Variants in ATG4D observed in about 807,000 individuals in gnomAD.
ATG4D encodes autophagy related 4D cysteine peptidase.
ATG4D carries 51 observed loss-of-function variants against 55.2 expected under a neutral mutation model. The observed-to-expected ratio is 0.92, with a 90% CI of 0.74 to 1.17. ATG4D has a LOEUF of 1.17. ATG4D is among the 50% of genes most tolerant of loss of function. The probability of loss-of-function intolerance (pLI) is 0.00; values close to 1 mark genes in which losing one functional copy is unlikely to be tolerated. For missense variants in ATG4D, 635 were observed against 649.6 expected, an observed-to-expected ratio of 0.98 and a Z score of 0.25; for synonymous variants, 268 against 266.2, an observed-to-expected ratio of 1.01 and a Z score of -0.07.
chr19:10,545,266 GTTGT>G, intron 3 of ATG4D, 136 bp downstream of exon 3: 1 of 1,221,914 alleles, frequency 8.2e-7, no homozygotes, highest in Middle Eastern at 2.6e-4. Context: ...AGAGATGAGA[GTTGT>G]TTATAAGAGT....
Position 10,544,778 on chromosome 19 carries a change from C to T in ATG4D, c.236-5C>T. 6.2e-7 allele frequency: 1 copy of T among 1,613,942 alleles called. No homozygotes were observed. Among genetic ancestry groups the T allele is most frequent in the Non-Finnish European group, 8.5e-7 (1 of 1,179,972 alleles). ...TCGCTGGGCGCTGCCCCTACGTCTCCCCAGGTTGGGTGGTTAAAAGCCGGA... is the reference window on the plus strand; with the variant it reads ...TCGCTGGGCGCTGCCCCTACGTCTCTCCAGGTTGGGTGGTTAAAAGCCGGA... On this transcript the variant is annotated splice_region_variant and splice_polypyrimidine_tract_variant and intron_variant, in intron 1 of 9. Transcript: ENST00000309469.
Position 10,547,105 on chromosome 19 carries a change from C to G in ATG4D, c.760C>G (p.His254Asp), listed in dbSNP as rs1465601817. 1.9e-6 allele frequency: 3 copies of G among 1,604,630 alleles called. No homozygotes were observed. The South Asian group carries it at 3.3e-5, about 18-fold the overall frequency. The part of the protein sequence containing the change: ...GDWYGPSLVA[H>D]ILRKAVESCS... ...CTGGTATGGGCCATCGCTAGTGGCA[C>G]ACATCCTCAGGTGAGGGCTGCTGCA... Residue 254 changes from histidine (H) to aspartate (D), a missense_variant, in exon 4 of 10, where the codon CAC becomes GAC. Transcript: ENST00000309469.
At chr19:10,550,944 T>A (rs12973308) in intron 6 of ATG4D, 2 of 151,966 alleles carry the variant, frequency 1.3e-5, no homozygotes, top group East Asian at 1.9e-4. Flanking sequence ...TCTCCTGACC[T>A]CGTGATCCTC....
rs140564199 is a variant in ATG4D at position 10,546,524 on chromosome 19, T to A, written c.494-315T>A. On this transcript the variant is annotated intron_variant, in intron 3 of 9. Coordinates refer to ENST00000309469, the MANE Select transcript of ATG4D (RefSeq NM_032885.6). ...CCACGCTTGTCTACTTTTTGTATAT[T>A]TTTTTTTTTATCAGAGAAGGGGTTT... is the stretch of plus-strand genomic sequence containing the variant. Among the ~76,000 whole-genome samples, 690 of 147,736 alleles carry A rather than the reference T, an allele frequency of 4.7e-3. 9 individuals carry two copies. The East Asian group carries it at 0.064, about 14-fold the overall frequency.
intron 5 of ATG4D, among the ~76,000 whole-genome samples, chr19:10,548,030 TTTTTTTTTTTTTTTTTTTG>T (rs1304633451): frequency 2.2e-4 from 11 of 50,914 alleles, no homozygotes; most frequent in Non-Finnish European, 2.7e-4. Context: ...TTTTTTTTTT[TTTTTTTTTTTTTTTTTTTG>T]AGACAGAGTC....
intron 9 of ATG4D, 118 bp downstream of exon 9, chr19:10,552,442 C>T (rs1916299775): frequency 1.5e-6 from 2 of 1,338,274 alleles, no homozygotes; most frequent in African/African-American, 2.9e-5. Flanking sequence ...GGCTAGGGGT[C>T]CTAACCTGGG....
In ATG4D at chr19:10,552,093, A is replaced by G; in HGVS notation, c.1094A>G (p.Asp365Gly). 2 of 1,610,288 alleles carry G rather than the reference A, an allele frequency of 1.2e-6. No homozygotes were observed. Among genetic ancestry groups the G allele is most frequent in the Non-Finnish European group, 1.7e-6 (2 of 1,179,580 alleles). ...CCTCACTACTGCCAGCCCACTGTGG[A>G]TGTCAGCCAGGCCGACTTCCCCCTG... ...LDPHYCQPTV[D>G]VSQADFPLES... The change falls in exon 8 of 10, where the codon GAT (aspartate) becomes GGT (glycine). Residue 365 changes from aspartate (D) to glycine (G), a missense_variant. Physicochemically the swap from Asp to Gly is moderately conservative, Grantham distance 94 (BLOSUM62 -1). Coordinates refer to ENST00000309469, the MANE Select transcript of ATG4D (RefSeq NM_032885.6).
At position 10,544,801 on chromosome 19, in the gene ATG4D, G is replaced by C; in HGVS notation, c.254G>C (p.Arg85Pro). 6.2e-7 allele frequency: 1 copy of C among 1,614,098 alleles called. No individual in the cohort carries two copies. Among genetic ancestry groups the C allele is most frequent in the Non-Finnish European group, 8.5e-7 (1 of 1,179,992 alleles). The change falls in exon 2 of 10, where the codon CGG (arginine) becomes CCG (proline). Residue 85 changes from arginine to proline, a missense_variant. Arg to Pro is a moderately radical substitution (Grantham distance 103). Transcript: ENST00000309469. ...NVKYGWVVKS[R>P]TSFSKISSIH... ...TCCCCAGGTTGGGTGGTTAAAAGCC[G>C]GACCAGCTTTAGCAAGATCTCCAGC... is the stretch of plus-strand genomic sequence containing the variant.
At position 10,549,030 on chromosome 19, in the gene ATG4D, T is replaced by C. The variant is rs1203032329; in HGVS notation, c.962T>C (p.Val321Ala). 3 of 1,614,070 alleles carry C rather than the reference T, an allele frequency of 1.9e-6. No individual in the cohort carries two copies. Residue 321 changes from valine to alanine, a missense_variant, in exon 6 of 10, where the codon GTG becomes GCG. Transcript: ENST00000309469. Reference protein sequence around the residue: ...ETLNPVYVPCVKELLRCELCL... With the variant: ...ETLNPVYVPCAKELLRCELCL... ...CTCAACCCCGTGTATGTGCCCTGCGTGAAGGTAGGTTCAGCTGAATTCTAG... is the reference window on the plus strand; with the variant it reads ...CTCAACCCCGTGTATGTGCCCTGCGCGAAGGTAGGTTCAGCTGAATTCTAG...
Position 10,543,905 on chromosome 19 carries a change from T to G in ATG4D, c.-186T>G, listed in dbSNP as rs1331639909. 1.3e-5 allele frequency: 5 copies of G among 389,098 alleles called. No homozygotes were observed. Among genetic ancestry groups the G allele is most frequent in the Non-Finnish European group, 1.3e-5 (3 of 224,478 alleles). The allele number at this position is 389,098 out of a possible 1,614,324, so 24.1% of individuals were successfully genotyped here. ...TGGCCACGCCCACCGTCATCCGGGG[T>G]CCTGGCCCGCTAAGATGGCGATGGC... On this transcript the variant is annotated 5_prime_UTR_variant, in exon 1 of 10. Coordinates refer to ENST00000309469, the MANE Select transcript of ATG4D (RefSeq NM_032885.6).
chr19:10,548,752 T>G, intron 5 of ATG4D, 152 bp from the exon 6 acceptor site: 3 of 1,172,508 alleles, frequency 2.6e-6, no homozygotes, highest in Non-Finnish European at 3.6e-6. Context: ...CTGGGGGTGT[T>G]TGGGGGGCAC....
chr19:10,547,140 G>GGA, intron 4 of ATG4D, 25 bp downstream of exon 4: 1 of 1,610,328 alleles, frequency 6.2e-7, no homozygotes, highest in Non-Finnish European at 8.5e-7. Flanking sequence ...AGGGATCACG[G>GGA]GAGTTGCTGG....
Position 10,553,103 on chromosome 19 carries a change from A to T in ATG4D, c.*36A>T. 1.3e-6 allele frequency: 2 copies of T among 1,548,378 alleles called. No homozygotes were observed. Among genetic ancestry groups the T allele is most frequent in the South Asian group, 2.3e-5 (2 of 87,164 alleles). On this transcript the variant is annotated 3_prime_UTR_variant, in exon 10 of 10. Transcript: ENST00000309469. ...TGAGGGGAAAGATACAACACTATTT[A>T]TTTTTTTATTTATGTCATGTCGGGT...
At position 10,544,014 on chromosome 19, in the gene ATG4D, C is replaced by A. The variant is rs988939721; in HGVS notation, c.-77C>A. The A allele has an allele frequency of 2.0e-4, 209 of 1,054,492 alleles. No individual in the cohort carries two copies. The highest frequency in any genetic ancestry group is 2.4e-4 in the Non-Finnish European group (202 of 829,452). 65.3% of individuals were successfully genotyped at this position (1,054,492 alleles called of 1,614,324 possible). On this transcript the variant is annotated 5_prime_UTR_variant, in exon 1 of 10. Coordinates refer to ENST00000309469, the MANE Select transcript of ATG4D (RefSeq NM_032885.6). The stretch of plus-strand genomic sequence containing the variant: ...TAGCGCCTTCCCCGGGCCCCGTGAA[C>A]CGGCTGCGGGTCGCCCTTGGGGGGC...
Position 10,552,316 on chromosome 19 carries a change from C to G in ATG4D, c.1234C>G (p.Leu412Val). ...RKEFETLCSELTRVLSSSSAT... is the reference protein window; with the variant it reads ...RKEFETLCSEVTRVLSSSSAT... ...GGAGTTTGAGACACTCTGCTCAGAG[C>G]TGACCAGGGTGAGCAAGAGGAAAGC... Residue 412 changes from leucine to valine, a missense_variant, in exon 9 of 10, where the codon CTG (leucine) becomes GTG (valine). Physicochemically the swap from Leu to Val is conservative, Grantham distance 32 (BLOSUM62 1). Transcript: ENST00000309469. The G allele has an allele frequency of 6.2e-7, 1 of 1,612,164 alleles. No homozygotes were observed. Among genetic ancestry groups the G allele is most frequent in the African/African-American group, 1.3e-5 (1 of 75,016 alleles).
In ATG4D at chr19:10,549,134, T is replaced by C. The variant is rs967776474; in HGVS notation, c.966+100T>C. 8 of 1,453,986 alleles carry C rather than the reference T, an allele frequency of 5.5e-6. No individual in the cohort carries two copies. In the African/African-American group the frequency reaches 1.1e-4, roughly 21 times the overall value. The allele number at this position is 1,453,986 out of a possible 1,614,324, so 90.1% of individuals were successfully genotyped here. On this transcript the variant is annotated intron_variant, in intron 6 of 9. Transcript: ENST00000309469. Reference sequence around the variant, plus strand: ...GTTTGTGCAGCCCTCATCACTTTTTTTTTTTTGAGATGGAGTTTCGCTCTT... The same window carrying C: ...GTTTGTGCAGCCCTCATCACTTTTTCTTTTTTGAGATGGAGTTTCGCTCTT...
intron 5 of ATG4D, among the ~76,000 whole-genome samples, chr19:10,547,626 GAAAAAA>G (rs778363094): frequency 2.0e-5 from 1 of 49,244 alleles, no homozygotes; most frequent in South Asian, 1.2e-3. Flanking sequence ...GGATCCTGTC[GAAAAAA>G]AAAAAAAAAA....
intron 9 of ATG4D, among the ~76,000 whole-genome samples, chr19:10,552,624 C>G (rs1436993195): frequency 1.3e-5 from 2 of 152,172 alleles, no homozygotes; most frequent in African/African-American, 4.8e-5. Flanking sequence ...AGATGGCCAC[C>G]AGCCATTCTG....
chr19:10,544,909 C>G, intron 2 of ATG4D, 43 bp downstream of exon 2: 1 of 1,588,504 alleles, frequency 6.3e-7, no homozygotes, highest in Non-Finnish European at 8.6e-7. Context: ...GGCCTCTCCA[C>G]GCCCGCCGGA....
Sources: allele counts gnomAD v4.1 joint callset (sites outside exome capture counted in the v4.1 genomes callset), GRCh38; gene constraint gnomAD v4.1.1; transcripts MANE v1.5; gene names NCBI Gene and HGNC (gene_info 2026-07-23, HGNC 2026-07-21).